SLC6A15: variants seen among roughly 807,000 people sequenced by gnomAD.
The protein encoded by SLC6A15 is sodium-dependent neutral amino acid transporter B(0)AT2.
Under a neutral mutation model 68.5 loss-of-function variants are expected in SLC6A15, and 33 were observed. The ratio of observed to expected loss-of-function variants is 0.48; its 90% CI spans 0.37 to 0.64. SLC6A15 has a LOEUF of 0.64. Ranked by LOEUF, SLC6A15 falls within the 30% of genes least tolerant of loss-of-function variation. The pLI, the probability that SLC6A15 is intolerant of heterozygous loss-of-function variation, is 0.00. For missense variants in SLC6A15, 747 were observed against 874.3 expected, an observed-to-expected ratio of 0.85 and a Z score of 1.84; for synonymous variants, 347 against 301.0, an observed-to-expected ratio of 1.15 and a Z score of -1.58.
rs780958575 is a variant in SLC6A15, at chr12:84,860,291, G to C, written c.*1341C>G. 3 of 151,988 alleles carry C rather than the reference G, an allele frequency of 2.0e-5. No homozygotes were observed. The highest frequency in any genetic ancestry group is 6.6e-5 in the Admixed American group (1 of 15,242). 9.4% of individuals were successfully genotyped at this position (151,988 alleles called of 1,614,324 possible). A position where few individuals can be genotyped will look rare whatever the true frequency, so the allele number is the denominator to read the frequency against. ...ATAAATGAAAGATTTTTAACTAGAG[G>C]ACACTCAGTGAGGTTCCTCTGCTCT... On this transcript the variant is annotated 3_prime_UTR_variant, in exon 12 of 12. Coordinates refer to ENST00000266682, the MANE Select transcript of SLC6A15 (RefSeq NM_182767.6).
In SLC6A15 at chr12:84,860,299, G is replaced by A. The variant is rs1005029792; in HGVS notation, c.*1333C>T. On this transcript the variant is annotated 3_prime_UTR_variant, in exon 12 of 12. Coordinates refer to ENST00000266682, the MANE Select transcript of SLC6A15 (RefSeq NM_182767.6). The stretch of plus-strand genomic sequence containing the variant: ...AAGATTTTTAACTAGAGGACACTCA[G>A]TGAGGTTCCTCTGCTCTATCCAATT... 1 of 152,094 alleles carries A rather than the reference G, an allele frequency of 6.6e-6. No individual in the cohort carries two copies. The highest frequency in any genetic ancestry group is 2.4e-5 in the African/African-American group (1 of 41,456). The allele number at this position is 152,094 out of a possible 1,614,324, so 9.4% of individuals were successfully genotyped here. A position where few individuals can be genotyped will look rare whatever the true frequency, so the allele number is the denominator to read the frequency against.
chr12:84,888,177 C>G (rs1872208757), intron 2 of SLC6A15, among the ~76,000 whole-genome samples: 1 of 147,910 alleles, frequency 6.8e-6, no homozygotes, highest in Non-Finnish European at 1.5e-5. Context: ...AAGACTGACT[C>G]TTGAGTCCAG....
intron 1 of SLC6A15, among the ~76,000 whole-genome samples, chr12:84,909,486 G>A (rs1167272282): frequency 6.6e-6 from 1 of 152,080 alleles, no homozygotes; most frequent in African/African-American, 2.4e-5. Flanking sequence ...ATCAAAAATT[G>A]TTTAGTAAAG....
chr12:84,877,436 T>C (rs1052344044), intron 5 of SLC6A15, among the ~76,000 whole-genome samples: 8 of 152,134 alleles, frequency 5.3e-5, no homozygotes, highest in African/African-American at 1.4e-4. Flanking sequence ...GAATTTCTAA[T>C]GTCGTTGGAG....
intron 5 of SLC6A15, among the ~76,000 whole-genome samples, chr12:84,878,706 G>T (rs1185837297): frequency 6.6e-6 from 1 of 151,724 alleles, no homozygotes; most frequent in Admixed American, 6.6e-5. Flanking sequence ...ACTAAGAAAA[G>T]ATTCTTCCTG....
chr12:84,861,508 A>T lies in SLC6A15; in HGVS notation c.*124T>A. 2 of 1,109,432 alleles carry T rather than the reference A, an allele frequency of 1.8e-6. No individual in the cohort carries two copies. Among genetic ancestry groups the T allele is most frequent in the Non-Finnish European group, 2.6e-6 (2 of 774,886 alleles). The allele number at this position is 1,109,432 out of a possible 1,614,324, so 68.7% of individuals were successfully genotyped here. A position where few individuals can be genotyped will look rare whatever the true frequency, so the allele number is the denominator to read the frequency against. On this transcript the variant is annotated 3_prime_UTR_variant, in exon 12 of 12. Coordinates refer to ENST00000266682, the MANE Select transcript of SLC6A15 (RefSeq NM_182767.6). Reference sequence around the variant, plus strand: ...TGAACTGACATATACTGTTAGGATTAAAGATCACAGCCACGGAACACCTGA... The same window carrying T: ...TGAACTGACATATACTGTTAGGATTTAAGATCACAGCCACGGAACACCTGA...
chr12:84,874,478 T>C (rs746704326), intron 6 of SLC6A15: 7 of 152,202 alleles, frequency 4.6e-5, no homozygotes, highest in Non-Finnish European at 8.8e-5. Context: ...GAAGGTTATG[T>C]AACTTGCCTA....
At chr12:84,897,931 A>G (rs554398592) in intron 1 of SLC6A15, among the ~76,000 whole-genome samples, 1 of 152,346 alleles carries the variant, frequency 6.6e-6, no homozygotes, top group African/African-American at 2.4e-5. Flanking sequence ...AATTATGTGC[A>G]GGGGACAATT....
chr12:84,866,908 G>C, intron 10 of SLC6A15, 126 bp downstream of exon 10: 1 of 799,730 alleles, frequency 1.3e-6, no homozygotes, highest in Non-Finnish European at 1.8e-6. Flanking sequence ...GCCTGCAAAA[G>C]GTTTGATTTT....
chr12:84,879,106 C>T (rs1871699121), intron 5 of SLC6A15, among the ~76,000 whole-genome samples: 1 of 151,858 alleles, frequency 6.6e-6, no homozygotes, highest in African/African-American at 2.4e-5. Flanking sequence ...TATCATCCTT[C>T]GTCTTCCACA....
intron 2 of SLC6A15, among the ~76,000 whole-genome samples, chr12:84,887,991 C>T (rs1485927459): frequency 2.0e-5 from 3 of 151,618 alleles, no homozygotes; most frequent in Non-Finnish European, 2.9e-5. Context: ...TTTGGGAGGC[C>T]GAGGCTGGCA....
At chr12:84,912,448 C>T (rs552487147) in intron 1 of SLC6A15, 75 bp downstream of exon 1, 1 of 152,954 alleles carries the variant, frequency 6.5e-6, no homozygotes, top group African/African-American at 2.4e-5. Flanking sequence ...GTGCTGGTGC[C>T]CAGGCTCCTG....
intron 6 of SLC6A15, among the ~76,000 whole-genome samples, chr12:84,874,764 A>G (rs7315157): frequency 0.26 from 39,555 of 152,092 alleles, 5,570 homozygotes; most frequent in Middle Eastern, 0.44. Context: ...AAGACCTATT[A>G]ACTAAAGACA....
intron 6 of SLC6A15, among the ~76,000 whole-genome samples, chr12:84,875,031 C>T (rs1871455576): frequency 6.6e-6 from 1 of 152,050 alleles, no homozygotes; most frequent in African/African-American, 2.4e-5. Flanking sequence ...CTGCAGTTTT[C>T]AGTACTGGGG....
At chr12:84,894,341 C>A (rs1182657674) in intron 1 of SLC6A15, among the ~76,000 whole-genome samples, 1 of 152,070 alleles carries the variant, frequency 6.6e-6, no homozygotes, top group East Asian at 1.9e-4. Context: ...TGGATAAGAG[C>A]ATGGATTTTA....
intron 4 of SLC6A15, among the ~76,000 whole-genome samples, chr12:84,884,941 T>C (rs1872015540): frequency 6.6e-6 from 1 of 151,936 alleles, no homozygotes; most frequent in Non-Finnish European, 1.5e-5. Context: ...ATAAACTATA[T>C]CTGTGCATTA....
chr12:84,861,357 A>G lies in SLC6A15; in HGVS notation c.*275T>C. 3.4e-6 allele frequency: 1 copy of G among 293,290 alleles called. No homozygotes were observed. The highest frequency in any genetic ancestry group is 6.3e-6 in the Non-Finnish European group (1 of 158,430). 18.2% of individuals were successfully genotyped at this position (293,290 alleles called of 1,614,324 possible). A position where few individuals can be genotyped will look rare whatever the true frequency, so the allele number is the denominator to read the frequency against. ...TACCATTTTTTTAAGAGATAGAAAT[A>G]TTTGAAAATACACCAAAGGTACTTA... On this transcript the variant is annotated 3_prime_UTR_variant, in exon 12 of 12. Coordinates refer to ENST00000266682, the MANE Select transcript of SLC6A15 (RefSeq NM_182767.6).
intron 2 of SLC6A15, among the ~76,000 whole-genome samples, chr12:84,887,340 A>G (rs115631943): frequency 3.2e-4 from 49 of 152,332 alleles, no homozygotes; most frequent in South Asian, 6.2e-4. Context: ...ACACAAATAC[A>G]TAGTGAGTAA....
chr12:84,886,009 A>G lies in SLC6A15; in HGVS notation c.349T>C (p.Leu117=), dbSNP rs2120646817. ...ATTCTTTGACCCACAGAGAGTTCCAAGAAAAAAAGGGGAATACCTATTACC... is the reference window on the plus strand; with the variant it reads ...ATTCTTTGACCCACAGAGAGTTCCAGGAAAAAAAGGGGAATACCTATTACC... ...LMVIGIPLFF[L]ELSVGQRIRR... The change falls in exon 3 of 12, where the codon TTG becomes CTG. Residue 117 remains leucine, a synonymous_variant. Coordinates refer to ENST00000266682, the MANE Select transcript of SLC6A15 (RefSeq NM_182767.6). 1.2e-6 allele frequency: 2 copies of G among 1,612,894 alleles called. No homozygotes were observed. Among genetic ancestry groups the G allele is most frequent in the East Asian group, 2.2e-5 (1 of 44,828 alleles).
Sources: allele counts gnomAD v4.1 joint callset (sites outside exome capture counted in the v4.1 genomes callset), GRCh38; gene constraint gnomAD v4.1.1; transcripts MANE v1.5; gene names NCBI Gene and HGNC (gene_info 2026-07-23, HGNC 2026-07-21).